Variants in CERS6 observed in about 807,000 individuals in gnomAD.
The protein encoded by CERS6 is LAG1 homolog, ceramide synthase 6.
CERS6 carries 26 observed loss-of-function variants against 56.8 expected under a neutral mutation model. The observed-to-expected ratio is 0.46, with a 90% confidence interval of 0.34 to 0.63. CERS6 has a LOEUF of 0.63. Among genes scored for constraint, CERS6 ranks in the 30% least tolerant of loss-of-function variants. The pLI, the probability that CERS6 is intolerant of heterozygous loss-of-function variation, is 0.01. For synonymous variants in CERS6, 164 were observed against 173.3 expected (o/e 0.95, Z 0.42); for missense variants, 415 against 467.5 (o/e 0.89, Z 1.04).
chr2:168,501,560 C>G (rs1694580918), intron 1 of CERS6, among the ~76,000 whole-genome samples: 1 of 152,160 alleles, frequency 6.6e-6, no homozygotes, highest in Non-Finnish European at 1.5e-5. Context: ...AATGGACCAA[C>G]CAGTAACAAT....
Position 168,700,123 on chromosome 2 carries a change from A to G in CERS6, c.609+5072A>G, listed in dbSNP as rs200145829. ...AAACCCGAGAGAAACACTACATCTT[A>G]TAAAAGATTCCTGACAGAGAGAGAT... is the stretch of plus-strand genomic sequence containing the variant. On this transcript the variant is annotated intron_variant, in intron 6 of 9. Transcript: ENST00000305747. Among the ~76,000 whole-genome samples the G allele has an allele frequency of 5.9e-5, 9 of 152,344 alleles. No homozygotes were observed. The East Asian group carries it at 1.7e-3, about 29-fold the overall frequency.
At position 168,545,509 on chromosome 2, in the gene CERS6, A is replaced by AT. The variant is rs61376408; in HGVS notation, c.171-2074dup. ...TAACAAATACTAAAAATTTTTTTTG[A>AT]TTTTTTTTTTTTTGGCTGATAACAG... On this transcript the variant is annotated intron_variant, in intron 1 of 9. Transcript: ENST00000305747. Among the ~76,000 whole-genome samples, 1,366 of 145,446 alleles carry AT rather than the reference A, an allele frequency of 9.4e-3. 17 individuals are homozygous for AT. The highest frequency in any genetic ancestry group is 0.028 in the African/African-American group (1,141 of 40,068).
chr2:168,635,576 G>A (rs997185876), intron 4 of CERS6, among the ~76,000 whole-genome samples: 8 of 152,144 alleles, frequency 5.3e-5, no homozygotes, highest in South Asian at 2.1e-4. Context: ...CTCTGAGACC[G>A]GCAGCAGTAT....
At chr2:168,590,330 AT>A (rs1191277868) in intron 3 of CERS6, among the ~76,000 whole-genome samples, 1 of 152,246 alleles carries the variant, frequency 6.6e-6, no homozygotes, top group Non-Finnish European at 1.5e-5. Flanking sequence ...AAATTAGGCT[AT>A]CATATAAACG....
At chr2:168,488,934 A>G (rs1483090858) in intron 1 of CERS6, among the ~76,000 whole-genome samples, 3 of 152,180 alleles carry the variant, frequency 2.0e-5, no homozygotes, top group Admixed American at 6.6e-5. Flanking sequence ...GCTTTCAGCA[A>G]TCATATAAAT....
intron 3 of CERS6, among the ~76,000 whole-genome samples, chr2:168,615,783 T>C (rs1684302799): frequency 6.6e-6 from 1 of 152,188 alleles, no homozygotes; most frequent in African/African-American, 2.4e-5. Context: ...TCTAAAAGTT[T>C]GGAAAACATA....
chr2:168,702,792 T>A (rs528830517), intron 6 of CERS6, among the ~76,000 whole-genome samples: 9 of 152,324 alleles, frequency 5.9e-5, no homozygotes, highest in Admixed American at 4.6e-4. Context: ...CAAATTTTAG[T>A]ATGGTGCCAA....
chr2:168,533,054 G>T (rs1353999096), intron 1 of CERS6, among the ~76,000 whole-genome samples: 1 of 152,116 alleles, frequency 6.6e-6, no homozygotes, highest in Non-Finnish European at 1.5e-5. Flanking sequence ...ACCCTAAAAG[G>T]TTATTGCCTT....
chr2:168,504,539 A>G (rs1359236238), intron 1 of CERS6, among the ~76,000 whole-genome samples: 1 of 152,126 alleles, frequency 6.6e-6, no homozygotes, highest in Non-Finnish European at 1.5e-5. Context: ...GTGAAGGCAA[A>G]GAGAAACTGA....
At chr2:168,672,377 A>G (rs9287898) in intron 4 of CERS6, among the ~76,000 whole-genome samples, 117,525 of 152,178 alleles carry the variant, frequency 0.77, 45,969 homozygotes, top group African/African-American at 0.88. Context: ...CCCCATGAGA[A>G]TATGAGCCTA....
At chr2:168,763,131 C>G (rs996251093) in intron 8 of CERS6, among the ~76,000 whole-genome samples, 5 of 152,162 alleles carry the variant, frequency 3.3e-5, no homozygotes, top group Non-Finnish European at 5.9e-5. Flanking sequence ...CTACCTCAGC[C>G]CCCCCAAAGT....
intron 4 of CERS6, among the ~76,000 whole-genome samples, chr2:168,649,731 T>C (rs879294986): frequency 4.6e-5 from 7 of 152,086 alleles, no homozygotes; most frequent in African/African-American, 1.7e-4. Context: ...AAGTCTTTGT[T>C]CACATTCCAT....
At chr2:168,505,526 G>A (rs765428300) in intron 1 of CERS6, among the ~76,000 whole-genome samples, 2 of 152,120 alleles carry the variant, frequency 1.3e-5, no homozygotes, top group African/African-American at 2.4e-5. Context: ...TCAGTGATCA[G>A]TGCTGACTTA....
chr2:168,476,463 A>T (rs1481125492), intron 1 of CERS6, among the ~76,000 whole-genome samples: 1 of 152,144 alleles, frequency 6.6e-6, no homozygotes, highest in Non-Finnish European at 1.5e-5. Flanking sequence ...GAAAACCAAT[A>T]GGATGGATGG....
At chr2:168,765,801 A>C in intron 9 of CERS6, 53 bp downstream of exon 9, 1 of 1,497,156 alleles carries the variant, frequency 6.7e-7, no homozygotes. Flanking sequence ...TGTTTTTGTA[A>C]TTTCTCTGGA....
intron 1 of CERS6, among the ~76,000 whole-genome samples, chr2:168,543,193 T>G (rs1186205497): frequency 2.6e-5 from 4 of 152,240 alleles, no homozygotes; most frequent in African/African-American, 9.6e-5. Flanking sequence ...CCTTATTATG[T>G]TTACTTTCAA....
chr2:168,467,023 T>G (rs572951168), intron 1 of CERS6, among the ~76,000 whole-genome samples: 2 of 152,340 alleles, frequency 1.3e-5, no homozygotes, highest in East Asian at 3.9e-4. Flanking sequence ...TGTATTTTCT[T>G]TCTTTCCTTT....
chr2:168,571,905 C>A (rs1258739998), intron 3 of CERS6, among the ~76,000 whole-genome samples: 4 of 152,130 alleles, frequency 2.6e-5, no homozygotes, highest in African/African-American at 9.7e-5. Context: ...TTACTGTAGA[C>A]TTGGGCACTA....
chr2:168,589,776 G>A (rs1055110415), intron 3 of CERS6, among the ~76,000 whole-genome samples: 7 of 152,122 alleles, frequency 4.6e-5, no homozygotes, highest in African/African-American at 1.7e-4. Flanking sequence ...GATGGCATTT[G>A]GCAGAAATTT....
Sources: allele counts gnomAD v4.1 joint callset (sites outside exome capture counted in the v4.1 genomes callset), GRCh38; gene constraint gnomAD v4.1.1; transcripts MANE v1.5; gene names NCBI Gene and HGNC (gene_info 2026-07-23, HGNC 2026-07-21).